The following EPHA4 variants were observed in gnomAD, a reference collection of about 807,000 sequenced individuals.
EPHA4 encodes EPH receptor A4.
A neutral mutation model predicts 108.3 loss-of-function variants in EPHA4; 19 were observed. The observed-to-expected ratio is 0.18, with a 90% CI of 0.12 to 0.26. EPHA4 has a LOEUF of 0.26. EPHA4 is among the 10% of genes least tolerant of loss of function. The pLI is 1.00. For missense variants in EPHA4, 917 were observed against 1,254.0 expected (o/e 0.73, Z 4.06); for synonymous variants, 449 against 455.5 (o/e 0.99, Z 0.18).
At chr2:221,572,380 G>C (rs1426914705), upstream of EPHA4, 1 of 747,470 alleles carries the variant, frequency 1.3e-6, no homozygotes. Flanking sequence ...GCCAGTCCGG[G>C]GCCCGCGGCC....
At position 221,419,929 on chromosome 2, in the gene EPHA4, A is replaced by G. The variant is rs746544588; in HGVS notation, c.*1443T>C. ...GGTAGTCCTAAGCATGAGGCTACGCACATACACACACCCGCACACAGACAG... is the reference window on the plus strand; with the variant it reads ...GGTAGTCCTAAGCATGAGGCTACGCGCATACACACACCCGCACACAGACAG... On this transcript the variant is annotated 3_prime_UTR_variant, in exon 18 of 18. Transcript: ENST00000281821. 1 of 152,738 alleles carries G rather than the reference A, an allele frequency of 6.5e-6. No individual in the cohort carries two copies. The highest frequency in any genetic ancestry group is 1.5e-5 in the Non-Finnish European group (1 of 68,094). 9.5% of individuals were successfully genotyped at this position (152,738 alleles called of 1,614,324 possible).
At chr2:221,436,757 C>A in intron 12 of EPHA4, 149 bp from the exon 13 acceptor site, 1 of 843,012 alleles carries the variant, frequency 1.2e-6, no homozygotes, top group South Asian at 1.6e-5. Context: ...ACCAAAGTCG[C>A]TAATTCACTA....
At chr2:221,548,648 A>G (rs569966988) in intron 3 of EPHA4, among the ~76,000 whole-genome samples, 2 of 152,278 alleles carry the variant, frequency 1.3e-5, no homozygotes, top group Non-Finnish European at 2.9e-5. Flanking sequence ...TTGAAATATT[A>G]TGACGTACTC....
intron 3 of EPHA4, among the ~76,000 whole-genome samples, chr2:221,516,423 C>T (rs1314840493): frequency 2.0e-5 from 3 of 147,936 alleles, no homozygotes; most frequent in South Asian, 2.1e-4. Flanking sequence ...GGCACGATCT[C>T]GGCTCACTGC....
At chr2:221,489,013 A>G (rs1050776309) in intron 4 of EPHA4, among the ~76,000 whole-genome samples, 2 of 152,312 alleles carry the variant, frequency 1.3e-5, no homozygotes, top group Non-Finnish European at 2.9e-5. Flanking sequence ...TTACATATCC[A>G]CATGAAATCT....
At chr2:221,470,732 G>A (rs1244934360) in intron 5 of EPHA4, among the ~76,000 whole-genome samples, 1 of 152,028 alleles carries the variant, frequency 6.6e-6, no homozygotes, top group Non-Finnish European at 1.5e-5. Context: ...GGAAAGAAGT[G>A]GGATAGAGAC....
rs904764392 is a variant in EPHA4 at position 221,425,809 on chromosome 2, C to G, written c.*219G>C. On this transcript the variant is annotated 3_prime_UTR_variant, in exon 17 of 18. Transcript: ENST00000281821. ...TGAACAGAAAAGTACTTCTGAGAAA[C>G]GATTTGTTCCAGGTCTCATTCAAAT... is the stretch of plus-strand genomic sequence containing the variant. 7.5e-6 allele frequency: 4 copies of G among 531,128 alleles called. No homozygotes were observed. The highest frequency in any genetic ancestry group is 3.3e-5 in the Admixed American group (1 of 30,278). 32.9% of individuals were successfully genotyped at this position (531,128 alleles called of 1,614,324 possible). A position where few individuals can be genotyped will look rare whatever the true frequency, so the allele number is the denominator to read the frequency against.
In EPHA4 at chr2:221,480,696, G is replaced by C. The variant is rs898468215; in HGVS notation, c.1318+1656C>G. 8.5e-5 allele frequency among the ~76,000 whole-genome samples: 13 copies of C among 152,214 alleles called. 1 individual carries two copies. The South Asian group carries it at 2.7e-3, about 32-fold the overall frequency. ...AGACAAAGGCCTAGCTGGATGACCC[G>C]TTCACATTAGATATTTTAAAAGACT... On this transcript the variant is annotated intron_variant, in intron 5 of 17. Coordinates refer to ENST00000281821, the MANE Select transcript of EPHA4 (RefSeq NM_004438.5).
intron 3 of EPHA4, among the ~76,000 whole-genome samples, chr2:221,549,586 G>A (rs1694100738): frequency 6.6e-6 from 1 of 152,160 alleles, no homozygotes; most frequent in East Asian, 1.9e-4. Flanking sequence ...AATTCTCATT[G>A]GCAGCCAGGG....
At chr2:221,515,731 C>T (rs1334202084) in intron 3 of EPHA4, among the ~76,000 whole-genome samples, 2 of 152,102 alleles carry the variant, frequency 1.3e-5, no homozygotes, top group African/African-American at 4.8e-5. Flanking sequence ...GTGGGAGGAT[C>T]CTTTGAGCCC....
At chr2:221,438,419 T>C (rs767965622) in intron 11 of EPHA4, among the ~76,000 whole-genome samples, 9 of 152,104 alleles carry the variant, frequency 5.9e-5, no homozygotes, top group Non-Finnish European at 1.2e-4. Flanking sequence ...GTTTTGTTTT[T>C]TCTAAGAGCA....
intron 11 of EPHA4, among the ~76,000 whole-genome samples, chr2:221,441,921 C>T (rs563451462): frequency 4.6e-5 from 7 of 152,304 alleles, no homozygotes; most frequent in Non-Finnish European, 1.0e-4. Flanking sequence ...GTGATTACAC[C>T]CAGCATCAGT....
At chr2:221,469,285 T>A (rs111344876) in intron 5 of EPHA4, among the ~76,000 whole-genome samples, 97 of 152,278 alleles carry the variant, frequency 6.4e-4, no homozygotes, top group African/African-American at 2.2e-3. Context: ...ATTTACAGCT[T>A]TTGTTATAAA....
At chr2:221,552,633 T>C (rs949919058) in intron 3 of EPHA4, among the ~76,000 whole-genome samples, 4 of 152,224 alleles carry the variant, frequency 2.6e-5, no homozygotes, top group Non-Finnish European at 5.9e-5. Context: ...AAAAGGAAAC[T>C]GTTTTTCAAA....
At chr2:221,446,040 C>T (rs1020035834) in intron 9 of EPHA4, 83 bp downstream of exon 9, 9 of 811,890 alleles carry the variant, frequency 1.1e-5, no homozygotes, top group Admixed American at 2.9e-5. Flanking sequence ...TTAATAGCCA[C>T]GTAAATATTA....
intron 3 of EPHA4, among the ~76,000 whole-genome samples, chr2:221,555,283 T>C (rs1184420555): frequency 3.9e-5 from 6 of 152,182 alleles, no homozygotes; most frequent in African/African-American, 7.2e-5. Flanking sequence ...GTCTAAATCA[T>C]TGGGCTCTGC....
chr2:221,504,173 A>G (rs184481645), intron 3 of EPHA4, among the ~76,000 whole-genome samples: 2 of 152,254 alleles, frequency 1.3e-5, no homozygotes, highest in African/African-American at 4.8e-5. Context: ...CTCCTGCCCT[A>G]TTTCCACCGA....
chr2:221,539,367 T>C (rs1238940258), intron 3 of EPHA4, among the ~76,000 whole-genome samples: 3 of 152,170 alleles, frequency 2.0e-5, no homozygotes, highest in Non-Finnish European at 4.4e-5. Context: ...AATACTGTAC[T>C]CTGTGCCCTA....
chr2:221,521,669 TAAA>T (rs1693169083), intron 3 of EPHA4, among the ~76,000 whole-genome samples: 1 of 151,890 alleles, frequency 6.6e-6, no homozygotes, highest in African/African-American at 2.4e-5. Flanking sequence ...AATATGGAAT[TAAA>T]AAAACAAAAC....
Sources: allele counts gnomAD v4.1 joint callset (sites outside exome capture counted in the v4.1 genomes callset), GRCh38; gene constraint gnomAD v4.1.1; transcripts MANE v1.5; gene names NCBI Gene and HGNC (gene_info 2026-07-23, HGNC 2026-07-21).